PVR: variants seen among roughly 807,000 people sequenced by gnomAD.
PVR encodes poliovirus receptor.
Under a neutral mutation model 43.3 loss-of-function variants are expected in PVR, and 39 were observed. That is an observed-to-expected ratio of 0.90 (90% CI 0.70 to 1.18). PVR has a LOEUF of 1.18. Among genes scored for constraint, PVR ranks in the 50% most tolerant of loss-of-function variants. The probability of loss-of-function intolerance (pLI) is 0.00; values close to 1 mark genes in which losing one functional copy is unlikely to be tolerated. For synonymous variants in PVR, 224 were observed against 233.2 expected (o/e 0.96, Z 0.36); for missense variants, 480 against 549.7 (o/e 0.87, Z 1.27).
intron 4 of PVR, among the ~76,000 whole-genome samples, chr19:44,655,756 T>C (rs10422182): frequency 0.15 from 22,968 of 152,112 alleles, 3,376 homozygotes; most frequent in African/African-American, 0.38. Context: ...TGGATTCCCC[T>C]GCTAACATTT....
chr19:44,651,313 C>T (rs548452450), intron 3 of PVR, among the ~76,000 whole-genome samples: 4 of 152,294 alleles, frequency 2.6e-5, no homozygotes, highest in African/African-American at 7.2e-5. Flanking sequence ...TACACTGGCT[C>T]CTATGACCAC....
intron 6 of PVR, among the ~76,000 whole-genome samples, chr19:44,660,046 A>C (rs1312504270): frequency 6.6e-6 from 1 of 152,150 alleles, no homozygotes; most frequent in Non-Finnish European, 1.5e-5. Context: ...TGAGCCAAGC[A>C]TCCACTAGGC....
At position 44,662,997 on chromosome 19, in the gene PVR, T is replaced by A. The variant is rs886842386; in HGVS notation, c.*1186T>A. The A allele has an allele frequency of 6.6e-6, 1 of 152,070 alleles. No individual in the cohort carries two copies. Among genetic ancestry groups the A allele is most frequent in the Admixed American group, 6.6e-5 (1 of 15,240 alleles). The allele number at this position is 152,070 out of a possible 1,614,324, so 9.4% of individuals were successfully genotyped here. The stretch of plus-strand genomic sequence containing the variant: ...CAGCTGCAGCCACTTTCTGCCAGCA[T>A]CTGCAGCCACTTTCTGCCAGCATCT... On this transcript the variant is annotated 3_prime_UTR_variant, in exon 8 of 8. Transcript: ENST00000425690.
chr19:44,650,375 C>T (rs546334453), intron 3 of PVR, among the ~76,000 whole-genome samples: 3 of 152,064 alleles, frequency 2.0e-5, no homozygotes, highest in Non-Finnish European at 2.9e-5. Flanking sequence ...GCTGTCTGCA[C>T]GGATACCTGA....
intron 4 of PVR, among the ~76,000 whole-genome samples, chr19:44,657,233 A>T (rs1973469085): frequency 6.6e-6 from 1 of 152,194 alleles, no homozygotes; most frequent in Non-Finnish European, 1.5e-5. Flanking sequence ...ACCAACAAAG[A>T]GGCCACTGTG....
intron 7 of PVR, 58 bp downstream of exon 7, chr19:44,661,381 C>T (rs949714741): frequency 1.1e-5 from 18 of 1,567,592 alleles, no homozygotes; most frequent in Admixed American, 6.7e-5. Context: ...ACAGACCAGA[C>T]GTCTTCAGAT....
rs541780958 is a variant in PVR at position 44,645,203 on chromosome 19, T to C, written c.79+1028T>C. On this transcript the variant is annotated intron_variant, in intron 1 of 7. Transcript: ENST00000425690. ...ATATATTATTATAATATATAATATG[T>C]ATATTATATATTATATATATTATTA... Among the ~76,000 whole-genome samples, 177 of 84,786 alleles carry C rather than the reference T, an allele frequency of 2.1e-3. 7 individuals are homozygous for C. Among genetic ancestry groups the C allele is most frequent in the African/African-American group, 7.7e-3 (167 of 21,670 alleles). 55.6% of individuals were successfully genotyped at this position (84,786 alleles called of 152,430 possible). A position where few individuals can be genotyped will look rare whatever the true frequency, so the allele number is the denominator to read the frequency against.
intron 7 of PVR, 67 bp downstream of exon 7, chr19:44,661,390 A>T: frequency 2.0e-6 from 3 of 1,533,428 alleles, no homozygotes; most frequent in East Asian, 4.5e-5. Context: ...ACGTCTTCAG[A>T]TGCCCACGGC....
intron 2 of PVR, 101 bp downstream of exon 2, chr19:44,647,671 T>C: frequency 1.4e-3 from 638 of 450,220 alleles, no homozygotes; most frequent in Non-Finnish European, 2.1e-3. Flanking sequence ...GGAGGGAGAT[T>C]CCCTCCACAG....
In PVR at chr19:44,647,665, G is replaced by A. The variant is rs907775448; in HGVS notation, c.427+95G>A. The A allele has an allele frequency of 4.4e-6, 4 of 907,612 alleles. No individual in the cohort carries two copies. The African/African-American group carries it at 5.2e-5, about 12-fold the overall frequency. The allele number at this position is 907,612 out of a possible 1,614,324, so 56.2% of individuals were successfully genotyped here. On this transcript the variant is annotated intron_variant, in intron 2 of 7. Transcript: ENST00000425690. ...AAGAGCGGGGAGGCCTGGGAGGGAG[G>A]GAGATTCCCTCCACAGCAGATCCCC...
chr19:44,647,416 G>C lies in PVR; in HGVS notation c.273G>C (p.Arg91=). The stretch of plus-strand genomic sequence containing the variant: ...GCCCCAGCTATTCGGAGTCCAAACG[G>C]CTGGAATTCGTGGCAGCCAGACTGG... ...TQGPSYSESK[R]LEFVAARLGA... is the part of the protein sequence containing the mutation. Residue 91 remains arginine (R), a synonymous_variant, in exon 2 of 8, where the codon CGG becomes CGC. Coordinates refer to ENST00000425690, the MANE Select transcript of PVR (RefSeq NM_006505.5). 6.2e-7 allele frequency: 1 copy of C among 1,614,106 alleles called. No homozygotes were observed. Among genetic ancestry groups the C allele is most frequent in the Non-Finnish European group, 8.5e-7 (1 of 1,180,000 alleles).
At chr19:44,647,125 C>A (rs940285216) in intron 1 of PVR, 98 bp from the exon 2 acceptor site, 1 of 803,688 alleles carries the variant, frequency 1.2e-6, no homozygotes, top group Non-Finnish European at 1.9e-6. Context: ...AGGGCCCCAG[C>A]GTGCAAGTGC....
At chr19:44,658,635 A>G in intron 5 of PVR, 107 bp from the exon 6 acceptor site, 1 of 964,954 alleles carries the variant, frequency 1.0e-6, no homozygotes, top group Non-Finnish European at 1.6e-6. Flanking sequence ...AAATAGACTG[A>G]GGCAGTGGAG....
chr19:44,656,520 G>A (rs1287873090), intron 4 of PVR, among the ~76,000 whole-genome samples: 1 of 152,204 alleles, frequency 6.6e-6, no homozygotes, highest in African/African-American at 2.4e-5. Context: ...CTTACTGTGT[G>A]CCGGGTGCAA....
intron 3 of PVR, among the ~76,000 whole-genome samples, chr19:44,651,386 CT>C: frequency 6.6e-6 from 1 of 152,288 alleles, no homozygotes; most frequent in Admixed American, 6.5e-5. Flanking sequence ...AAAGTGCCCC[CT>C]GACACTGTCT....
In PVR at chr19:44,661,870, G is replaced by A. The variant is rs1973601566; in HGVS notation, c.*59G>A. On this transcript the variant is annotated 3_prime_UTR_variant, in exon 8 of 8. Coordinates refer to ENST00000425690, the MANE Select transcript of PVR (RefSeq NM_006505.5). ...GCTGGCAAGGACGTGGGCCTCCAGA[G>A]TTGGACCCGACCCCAATGGATGAAG... 1 of 1,512,288 alleles carries A rather than the reference G, an allele frequency of 6.6e-7. No individual in the cohort carries two copies. Among genetic ancestry groups the A allele is most frequent in the Non-Finnish European group, 9.2e-7 (1 of 1,091,600 alleles). The allele number at this position is 1,512,288 out of a possible 1,614,324, so 93.7% of individuals were successfully genotyped here.
In PVR at chr19:44,661,866, C is replaced by T; in HGVS notation, c.*55C>T. The T allele has an allele frequency of 6.5e-7, 1 of 1,530,738 alleles. No homozygotes were observed. Among genetic ancestry groups the T allele is most frequent in the South Asian group, 1.1e-5 (1 of 89,336 alleles). The allele number at this position is 1,530,738 out of a possible 1,614,324, so 94.8% of individuals were successfully genotyped here. On this transcript the variant is annotated 3_prime_UTR_variant, in exon 8 of 8. Transcript: ENST00000425690. ...TGGAGCTGGCAAGGACGTGGGCCTC[C>T]AGAGTTGGACCCGACCCCAATGGAT...
intron 1 of PVR, 83 bp from the exon 2 acceptor site, chr19:44,647,140 C>T (rs898854751): frequency 9.2e-7 from 1 of 1,087,520 alleles, no homozygotes; most frequent in African/African-American, 1.6e-5. Context: ...AAGTGCACGC[C>T]CAGGTGCCCG....
At chr19:44,661,439 G>A (rs1035256919) in intron 7 of PVR, 116 bp downstream of exon 7, 38 of 1,149,660 alleles carry the variant, frequency 3.3e-5, no homozygotes, top group Non-Finnish European at 4.6e-5. Context: ...CTGGTGCCTC[G>A]AGCAGCATTT....
Sources: allele counts gnomAD v4.1 joint callset (sites outside exome capture counted in the v4.1 genomes callset), GRCh38; gene constraint gnomAD v4.1.1; transcripts MANE v1.5; gene names NCBI Gene and HGNC (gene_info 2026-07-23, HGNC 2026-07-21).